Variants in METTL22 observed in about 807,000 individuals in gnomAD.
The protein encoded by METTL22 is methyltransferase-like protein 22.
Under a neutral mutation model 48.4 loss-of-function variants are expected in METTL22, and 51 were observed. The ratio of observed to expected loss-of-function variants is 1.05; its 90% CI spans 0.84 to 1.33. METTL22 has a LOEUF of 1.33. Among genes scored for constraint, METTL22 ranks in the 40% most tolerant of loss-of-function variants. METTL22 has a pLI of 0.00. For synonymous variants in METTL22, 255 were observed against 214.1 expected (o/e 1.19, Z -1.67); for missense variants, 678 against 526.9 (o/e 1.29, Z -2.81).
At chr16:8,624,069 A>C (rs1313093446) in intron 1 of METTL22, 2 of 152,254 alleles carry the variant, frequency 1.3e-5, no homozygotes, top group African/African-American at 4.8e-5. Flanking sequence ...TGGCTGAAGA[A>C]ACAGATGCAG....
Position 8,647,955 on chromosome 16 carries a change from C to G in METTL22, c.*1812C>G, listed in dbSNP as rs972794741. 1 of 152,276 alleles carries G rather than the reference C, an allele frequency of 6.6e-6. No individual in the cohort carries two copies. Among genetic ancestry groups the G allele is most frequent in the African/African-American group, 2.4e-5 (1 of 41,458 alleles). The allele number at this position is 152,276 out of a possible 1,614,324, so 9.4% of individuals were successfully genotyped here. On this transcript the variant is annotated 3_prime_UTR_variant, in exon 11 of 11. Transcript: ENST00000381920. ...CATGTCCACCCATGTCCATCTGACT[C>G]CTGAGCCTGTGCTTTTCCCACATTC...
chr16:8,646,925 C>G lies in METTL22; in HGVS notation c.*782C>G, dbSNP rs2056813846. ...CATCTGTGCCTCTCTCCTCCCATCT[C>G]CACCCCTTCCTGTCATCCTCTATGT... On this transcript the variant is annotated 3_prime_UTR_variant, in exon 11 of 11. Transcript: ENST00000381920. The G allele has an allele frequency of 2.8e-6, 1 of 351,550 alleles. No homozygotes were observed. Among genetic ancestry groups the G allele is most frequent in the African/African-American group, 2.1e-5 (1 of 46,728 alleles). 21.8% of individuals were successfully genotyped at this position (351,550 alleles called of 1,614,324 possible). A position where few individuals can be genotyped will look rare whatever the true frequency, so the allele number is the denominator to read the frequency against.
intron 7 of METTL22, chr16:8,641,784 G>T: frequency 2.2e-6 from 1 of 447,124 alleles, no homozygotes; most frequent in Non-Finnish European, 4.1e-6. Context: ...CTTTCTGTGA[G>T]TGCAAAACTG....
At chr16:8,654,979 C>G in the METTL22 span, among the ~76,000 whole-genome samples, 1 of 152,176 alleles carries the variant, frequency 6.6e-6, no homozygotes, top group African/African-American at 2.4e-5. Context: ...ATAAATCCAG[C>G]CACCATGTGG....
Position 8,628,882 on chromosome 16 carries a change from G to A in METTL22, c.286G>A (p.Glu96Lys), listed in dbSNP as rs779277042. 3.1e-6 allele frequency: 5 copies of A among 1,614,066 alleles called. No homozygotes were observed. The East Asian group carries it at 6.7e-5, about 22-fold the overall frequency. ...CCCTCCAGGAAGTGGCCATGGTAATGAGGGTTTCTCCCTCCAGGCCGGGAC... is the reference window on the plus strand; with the variant it reads ...CCCTCCAGGAAGTGGCCATGGTAATAAGGGTTTCTCCCTCCAGGCCGGGAC... ...GSPPGSGHGN[E>K]GFSLQAGTDT... is the part of the protein sequence containing the mutation. Residue 96 changes from glutamate (E) to lysine (K), a missense_variant, in exon 3 of 11, where the codon GAG (glutamate) becomes AAG (lysine). Glu to Lys is a moderately conservative substitution (Grantham distance 56). Coordinates refer to ENST00000381920, the MANE Select transcript of METTL22 (RefSeq NM_024109.4).
At chr16:8,659,427 C>T in the METTL22 span, among the ~76,000 whole-genome samples, 1 of 152,068 alleles carries the variant, frequency 6.6e-6, no homozygotes, top group African/African-American at 2.4e-5. Flanking sequence ...AATTGCCCAG[C>T]CTGACCCTCC....
chr16:8,642,393 T>G, intron 8 of METTL22, 70 bp from the exon 9 acceptor site: 1 of 1,450,568 alleles, frequency 6.9e-7, no homozygotes, highest in South Asian at 1.1e-5. Flanking sequence ...CTGTGCGGAT[T>G]GCTCTGAAAA....
chr16:8,637,623 C>T (rs2056462333), intron 5 of METTL22, among the ~76,000 whole-genome samples: 2 of 152,254 alleles, frequency 1.3e-5, no homozygotes, highest in African/African-American at 4.8e-5. Flanking sequence ...GACCCGAGGC[C>T]CTTGATGTGG....
the METTL22 span, among the ~76,000 whole-genome samples, chr16:8,664,240 A>C: frequency 2.9e-3 from 436 of 151,826 alleles, 1 homozygote; most frequent in African/African-American, 0.01. Context: ...GACATTTTCT[A>C]TTTCTTTGCA....
chr16:8,662,289 G>A, the METTL22 span, among the ~76,000 whole-genome samples: 31 of 145,318 alleles, frequency 2.1e-4, 6 homozygotes, highest in Non-Finnish European at 4.1e-4. Context: ...ATCTAACACC[G>A]GTTCTGTCTT....
At position 8,649,371 on chromosome 16, in the gene METTL22, G is replaced by A. The variant is rs1287082822; in HGVS notation, c.*3228G>A. ...GCGATATTCAGAATCACCAAACCAT[G>A]GGGATGTTCTGCTAGGTAATTAGCC... is the stretch of plus-strand genomic sequence containing the variant. On this transcript the variant is annotated 3_prime_UTR_variant, in exon 11 of 11. Transcript: ENST00000381920. 2.0e-5 allele frequency: 3 copies of A among 152,152 alleles called. No homozygotes were observed. Among genetic ancestry groups the A allele is most frequent in the Non-Finnish European group, 2.9e-5 (2 of 68,026 alleles). 9.4% of individuals were successfully genotyped at this position (152,152 alleles called of 1,614,324 possible).
At position 8,634,893 on chromosome 16, in the gene METTL22, G is replaced by T. The variant is rs923396221; in HGVS notation, c.515-146G>T. On this transcript the variant is annotated intron_variant, in intron 3 of 10. Coordinates refer to ENST00000381920, the MANE Select transcript of METTL22 (RefSeq NM_024109.4). ...CGCCTCCTAACCAGTAGCACAGCCT[G>T]TGTTTCTGCTGCTCTCTAGAACGCC... The T allele has an allele frequency of 5.9e-6, 6 of 1,009,498 alleles. No individual in the cohort carries two copies. The Admixed American group carries it at 1.3e-4, about 22-fold the overall frequency. 62.5% of individuals were successfully genotyped at this position (1,009,498 alleles called of 1,614,324 possible). A position where few individuals can be genotyped will look rare whatever the true frequency, so the allele number is the denominator to read the frequency against.
chr16:8,644,270 T>A (rs1450780047), intron 9 of METTL22, among the ~76,000 whole-genome samples: 1 of 152,180 alleles, frequency 6.6e-6, no homozygotes, highest in Non-Finnish European at 1.5e-5. Context: ...CAAGTGTTGA[T>A]CTGCAGGACT....
chr16:8,653,258 C>A (rs1730976), downstream of METTL22, among the ~76,000 whole-genome samples: 2 of 152,204 alleles, frequency 1.3e-5, no homozygotes, highest in Non-Finnish European at 1.5e-5. Flanking sequence ...GAATTTTAAC[C>A]CTCTGTTAAA....
chr16:8,645,119 TGTGGAAGGATAC>T (rs2056747346), intron 10 of METTL22: 1 of 164,238 alleles, frequency 6.1e-6, no homozygotes, highest in African/African-American at 2.4e-5. Flanking sequence ...ACATCTTCAC[TGTGGAAGGATAC>T]CAGCCCCTCT....
At chr16:8,643,020 C>A in intron 9 of METTL22, 1 of 183,608 alleles carries the variant, frequency 5.4e-6, no homozygotes, top group Non-Finnish European at 1.2e-5. Context: ...CCAGACATTT[C>A]CACTAGAATA....
intron 2 of METTL22, among the ~76,000 whole-genome samples, chr16:8,628,361 C>T (rs371930428): frequency 3.9e-5 from 6 of 152,290 alleles, no homozygotes; most frequent in African/African-American, 1.4e-4. Flanking sequence ...AGAGGAGAGG[C>T]CCCTGAGCTC....
the METTL22 span, among the ~76,000 whole-genome samples, chr16:8,659,218 C>T: frequency 6.6e-6 from 1 of 151,836 alleles, no homozygotes; most frequent in African/African-American, 2.4e-5. Flanking sequence ...GTAGTCCCAG[C>T]TACTTGTGAG....
chr16:8,642,266 GTC>G, intron 8 of METTL22, 59 bp downstream of exon 8: 2 of 1,473,880 alleles, frequency 1.4e-6, no homozygotes, highest in Non-Finnish European at 9.5e-7. Flanking sequence ...GTCAAGTGCA[GTC>G]TCTCCTCACT....
Sources: allele counts gnomAD v4.1 joint callset (sites outside exome capture counted in the v4.1 genomes callset), GRCh38; gene constraint gnomAD v4.1.1; transcripts MANE v1.5; gene names NCBI Gene and HGNC (gene_info 2026-07-23, HGNC 2026-07-21).